Variants in TARBP1 observed in about 807,000 individuals in gnomAD.
TARBP1 encodes tRNA (guanosine(18)-2'-O)-methyltransferase TARBP1.
Under a neutral mutation model 178.6 loss-of-function variants are expected in TARBP1, and 144 were observed. The ratio of observed to expected loss-of-function variants is 0.81; its 90% CI spans 0.70 to 0.93. TARBP1 has a LOEUF of 0.93. Ranked by LOEUF, TARBP1 falls within the 40% of genes least tolerant of loss-of-function variation. The probability of loss-of-function intolerance (pLI) is 0.00; values close to 1 mark genes in which losing one functional copy is unlikely to be tolerated. For missense variants in TARBP1, 2,067 were observed against 2,011.7 expected (o/e 1.03, Z -0.53); for synonymous variants, 787 against 781.0 (o/e 1.01, Z -0.13).
chr1:234,469,093 G>GAAAAAAAAAAAAAAA lies in TARBP1; in HGVS notation c.1100-1444_1100-1443insTTTTTTTTTTTTTTT, dbSNP rs1668791000. The stretch of plus-strand genomic sequence containing the variant: ...TTTTTTTTTTAAAAAAAAAAAAAAG[G>GAAAAAAAAAAAAAAA]CAAAAACCGCAACGACTTTCGCACC... On this transcript the variant is annotated intron_variant, in intron 3 of 29. Coordinates refer to ENST00000040877, the MANE Select transcript of TARBP1 (RefSeq NM_005646.4). Among the ~76,000 whole-genome samples the GAAAAAAAAAAAAAAA allele has an allele frequency of 3.1e-4, 30 of 98,230 alleles. No homozygotes were observed. In the East Asian group the frequency reaches 4.2e-3, roughly 14 times the overall value. The allele number at this position is 98,230 out of a possible 152,430, so 64.4% of individuals were successfully genotyped here.
intron 6 of TARBP1, among the ~76,000 whole-genome samples, chr1:234,462,854 A>G (rs1171572403): frequency 1.3e-5 from 2 of 152,198 alleles, no homozygotes. Flanking sequence ...AATAGACATT[A>G]CCATTGGCCA....
chr1:234,470,992 A>G (rs1473636954), intron 3 of TARBP1, among the ~76,000 whole-genome samples, 196 bp downstream of exon 3: 1 of 152,068 alleles, frequency 6.6e-6, no homozygotes, highest in African/African-American at 2.4e-5. Context: ...GATAAACATG[A>G]ACAACATGAT....
At chr1:234,422,166 A>AC (rs1663178391) in intron 20 of TARBP1, among the ~76,000 whole-genome samples, 1 of 152,138 alleles carries the variant, frequency 6.6e-6, no homozygotes, top group Non-Finnish European at 1.5e-5. Flanking sequence ...TGCCCTTAGG[A>AC]CCTCACCAAG....
At chr1:234,475,157 CAGG>C (rs1669461093) in intron 1 of TARBP1, among the ~76,000 whole-genome samples, 1 of 152,194 alleles carries the variant, frequency 6.6e-6, no homozygotes, top group Non-Finnish European at 1.5e-5. Context: ...GTGGCCAGGG[CAGG>C]AGATCTTCAG....
chr1:234,450,626 A>T, intron 9 of TARBP1, 60 bp from the exon 10 acceptor site: 1 of 1,560,502 alleles, frequency 6.4e-7, no homozygotes, highest in East Asian at 2.3e-5. Flanking sequence ...AGGATTTCTA[A>T]TCTCCTTAAG....
At position 234,479,117 on chromosome 1, in the gene TARBP1, G is replaced by C. The variant is rs1317989517; in HGVS notation, c.-14C>G. The C allele has an allele frequency of 6.6e-7, 1 of 1,522,446 alleles. No individual in the cohort carries two copies. Among genetic ancestry groups the C allele is most frequent in the African/African-American group, 1.4e-5 (1 of 69,392 alleles). The allele number at this position is 1,522,446 out of a possible 1,614,324, so 94.3% of individuals were successfully genotyped here. ...CACCCACTCCATTTGCCGAGCGCCC[G>C]CGCCACCGGCCCGGGCTCCCAAAGG... On this transcript the variant is annotated 5_prime_UTR_variant, in exon 1 of 30. Coordinates refer to ENST00000040877, the MANE Select transcript of TARBP1 (RefSeq NM_005646.4).
chr1:234,437,160 G>A (rs1234313921), intron 13 of TARBP1, 115 bp downstream of exon 13: 13 of 517,078 alleles, frequency 2.5e-5, no homozygotes, highest in Admixed American at 4.2e-5. Flanking sequence ...TCCTAAGACC[G>A]CTTCTTGAGA....
chr1:234,408,132 T>C (rs74147465), intron 23 of TARBP1, among the ~76,000 whole-genome samples: 9,914 of 152,224 alleles, frequency 0.065, 354 homozygotes, highest in Middle Eastern at 0.1. Flanking sequence ...TGAATTCTCA[T>C]GTCCGCTCAT....
intron 14 of TARBP1, among the ~76,000 whole-genome samples, chr1:234,432,524 C>G (rs980905266): frequency 3.3e-5 from 5 of 152,046 alleles, no homozygotes; most frequent in African/African-American, 1.2e-4. Flanking sequence ...ACAAGTGAGG[C>G]ATAAAGAGCA....
At position 234,478,235 on chromosome 1, in the gene TARBP1, C is replaced by G. The variant is rs1669755611; in HGVS notation, c.869G>C (p.Arg290Thr). ...CAGCTCCGCCGACACCTCCACCGCC[C>G]TCTGCAGCAGGTAGCGCGCTCGCTT... ...TRKRARYLLQRAVEVSAELGA... is the reference protein window; with the variant it reads ...TRKRARYLLQTAVEVSAELGA... Residue 290 changes from arginine (R) to threonine (T), a missense_variant, in exon 1 of 30, where the codon AGG becomes ACG. Physicochemically the swap from Arg to Thr is moderately conservative, Grantham distance 71. Coordinates refer to ENST00000040877, the MANE Select transcript of TARBP1 (RefSeq NM_005646.4). 6.2e-7 allele frequency: 1 copy of G among 1,611,462 alleles called. No individual in the cohort carries two copies. The highest frequency in any genetic ancestry group is 8.5e-7 in the Non-Finnish European group (1 of 1,179,430).
intron 1 of TARBP1, among the ~76,000 whole-genome samples, chr1:234,473,343 A>T (rs894437056): frequency 1.3e-5 from 2 of 152,260 alleles, no homozygotes; most frequent in Non-Finnish European, 2.9e-5. Flanking sequence ...TTCAGTGTTT[A>T]AGAAACAGTC....
At chr1:234,474,102 G>C (rs960309980) in intron 1 of TARBP1, among the ~76,000 whole-genome samples, 1 of 151,876 alleles carries the variant, frequency 6.6e-6, no homozygotes. Flanking sequence ...AAATTATCAG[G>C]GCATGGTGGT....
At chr1:234,403,630 A>C (rs560776008) in intron 24 of TARBP1, among the ~76,000 whole-genome samples, 1 of 152,286 alleles carries the variant, frequency 6.6e-6, no homozygotes, top group South Asian at 2.1e-4. Context: ...GCCGATCCCA[A>C]GGAGGTATGC....
Position 234,398,438 on chromosome 1 carries a change from A to G in TARBP1, c.4187T>C (p.Leu1396Pro). The G allele has an allele frequency of 6.2e-7, 1 of 1,612,062 alleles. No homozygotes were observed. Among genetic ancestry groups the G allele is most frequent in the South Asian group, 1.1e-5 (1 of 90,784 alleles). ...TAGTTTACTAAGTTGAGTTTGAGAAAGGTACCACTGAAATCCCGCAGCTAA... is the reference window on the plus strand; with the variant it reads ...TAGTTTACTAAGTTGAGTTTGAGAAGGGTACCACTGAAATCCCGCAGCTAA... Reference protein sequence around the residue: ...VPLAAGFQWYLSQTQLSKLKP... With the variant: ...VPLAAGFQWYPSQTQLSKLKP... The change falls in exon 26 of 30, where the codon CTT becomes CCT. Residue 1396 changes from leucine to proline, a missense_variant. By Grantham distance (98) the Leu-to-Pro change is moderately conservative. Transcript: ENST00000040877.
rs1669086159 is a variant in TARBP1 at position 234,471,805 on chromosome 1, T to A, written c.1030-548A>T. ...TTAAAGAAAACCATAAAAGTTAATT[T>A]GAATTTAGAAATGCTTTTTCTTTAC... On this transcript the variant is annotated intron_variant, in intron 2 of 29. Transcript: ENST00000040877. 2.0e-5 allele frequency among the ~76,000 whole-genome samples: 3 copies of A among 152,242 alleles called. No individual in the cohort carries two copies. In the South Asian group the frequency reaches 6.2e-4, roughly 32 times the overall value.
At chr1:234,443,437 C>T (rs1228263240) in intron 12 of TARBP1, among the ~76,000 whole-genome samples, 3 of 151,864 alleles carry the variant, frequency 2.0e-5, no homozygotes, top group African/African-American at 4.8e-5. Flanking sequence ...CACTTTATAC[C>T]CATTAGGATG....
At chr1:234,451,766 A>AAAAAAAAC (rs57636903) in intron 9 of TARBP1, among the ~76,000 whole-genome samples, 1,003 of 17,170 alleles carry the variant, frequency 0.058, 433 homozygotes, top group African/African-American at 0.35. Context: ...AAAAAAAAAA[A>AAAAAAAAC]TGATGAATGA....
rs201515189 is a variant in TARBP1 at position 234,427,785 on chromosome 1, G to A, written c.3061-19C>T. ...ACATAATCTGGAATAAAATACAACC[G>A]TCATTTTATCCTTGATTTAGTTTTT... On this transcript the variant is annotated intron_variant, in intron 17 of 29. Coordinates refer to ENST00000040877, the MANE Select transcript of TARBP1 (RefSeq NM_005646.4). 9.5e-5 allele frequency: 131 copies of A among 1,384,154 alleles called. No homozygotes were observed. The African/African-American group carries it at 1.3e-3, about 14-fold the overall frequency. The allele number at this position is 1,384,154 out of a possible 1,614,324, so 85.7% of individuals were successfully genotyped here.
At chr1:234,434,487 G>T (rs931767174) in intron 13 of TARBP1, among the ~76,000 whole-genome samples, 10 of 152,200 alleles carry the variant, frequency 6.6e-5, no homozygotes, top group African/African-American at 2.4e-4. Context: ...GAGGGATGAA[G>T]GTGCCAGGAA....
Sources: allele counts gnomAD v4.1 joint callset (sites outside exome capture counted in the v4.1 genomes callset), GRCh38; gene constraint gnomAD v4.1.1; transcripts MANE v1.5; gene names NCBI Gene and HGNC (gene_info 2026-07-23, HGNC 2026-07-21).